Variants in PTPN13 observed in about 807,000 individuals in gnomAD.
PTPN13 encodes the protein protein tyrosine phosphatase non-receptor type 13.
PTPN13 carries 191 observed loss-of-function variants against 284.0 expected under a neutral mutation model. That is an observed-to-expected ratio of 0.67 (90% CI 0.60 to 0.76). PTPN13 has a LOEUF of 0.76. PTPN13 is among the 30% of genes least tolerant of loss of function. The pLI is 0.00. For synonymous variants in PTPN13, 986 were observed against 1,022.3 expected (o/e 0.96, Z 0.68); for missense variants, 2,797 against 2,939.9 (o/e 0.95, Z 1.12).
intron 23 of PTPN13, among the ~76,000 whole-genome samples, chr4:86,760,534 A>G (rs1365121340): frequency 6.6e-6 from 1 of 152,204 alleles, no homozygotes; most frequent in Non-Finnish European, 1.5e-5. Flanking sequence ...TGTGCAAGAC[A>G]AAAAACTCTG....
At chr4:86,649,351 A>G (rs1009791456) in intron 2 of PTPN13, among the ~76,000 whole-genome samples, 2 of 152,122 alleles carry the variant, frequency 1.3e-5, no homozygotes, top group Non-Finnish European at 2.9e-5. Context: ...TAGTAGTTTC[A>G]TTGTTCCAGG....
chr4:86,647,775 T>A (rs1219803088), intron 2 of PTPN13, among the ~76,000 whole-genome samples: 2 of 151,980 alleles, frequency 1.3e-5, no homozygotes, highest in African/African-American at 4.8e-5. Flanking sequence ...AATTAGGACG[T>A]AAACACATAC....
At chr4:86,598,091 TAA>T (rs756940536) in intron 1 of PTPN13, among the ~76,000 whole-genome samples, 88 of 152,146 alleles carry the variant, frequency 5.8e-4, no homozygotes, top group Non-Finnish European at 5.1e-4. Context: ...TCCTAGAGAC[TAA>T]GTTTATTTTT....
intron 2 of PTPN13, among the ~76,000 whole-genome samples, chr4:86,658,307 C>T (rs988561328): frequency 6.6e-6 from 1 of 152,230 alleles, no homozygotes; most frequent in African/African-American, 2.4e-5. Flanking sequence ...CTCCTCAATG[C>T]ACTGCCTGGG....
intron 6 of PTPN13, among the ~76,000 whole-genome samples, chr4:86,698,880 G>C (rs1730844063): frequency 6.6e-6 from 1 of 152,176 alleles, no homozygotes; most frequent in African/African-American, 2.4e-5. Flanking sequence ...GTTTGGTTTG[G>C]TTTGACTATG....
intron 2 of PTPN13, among the ~76,000 whole-genome samples, chr4:86,670,381 C>G (rs1157021119): frequency 3.3e-5 from 5 of 151,280 alleles, no homozygotes; most frequent in African/African-American, 1.2e-4. Flanking sequence ...ACCTCCTAAC[C>G]CCCACCTCAG....
At chr4:86,777,555 C>G (rs1024748225) in intron 35 of PTPN13, among the ~76,000 whole-genome samples, 1 of 152,132 alleles carries the variant, frequency 6.6e-6, no homozygotes, top group African/African-American at 2.4e-5. Context: ...AGGATTAGAA[C>G]AGAATCATTA....
Position 86,701,632 on chromosome 4 carries a change from A to G in PTPN13, c.1026A>G (p.Ala342=), listed in dbSNP as rs373039102. ...CAACTACTCCTAGAAAAAAGGAGGC[A>G]AGATACTCAGATGGAAGTATAGCCT... The part of the protein sequence containing the change: ...RTSTTPRKKE[A]RYSDGSIALD... Residue 342 remains alanine (A), a synonymous_variant, in exon 7 of 48, where the codon GCA becomes GCG. Transcript: ENST00000411767. The G allele has an allele frequency of 8.1e-6, 13 of 1,613,860 alleles. No homozygotes were observed. The highest frequency in any genetic ancestry group is 6.6e-5 in the South Asian group (6 of 91,084).
intron 2 of PTPN13, among the ~76,000 whole-genome samples, chr4:86,657,140 A>G (rs1725932028): frequency 6.6e-6 from 1 of 152,154 alleles, no homozygotes; most frequent in Non-Finnish European, 1.5e-5. Flanking sequence ...TCCCTTGGCT[A>G]GGAAAGGGAA....
chr4:86,626,885 C>G (rs1721900024), intron 1 of PTPN13, among the ~76,000 whole-genome samples: 1 of 152,048 alleles, frequency 6.6e-6, no homozygotes, highest in Non-Finnish European at 1.5e-5. Context: ...AAAGCAGGAT[C>G]TCAAAGAGAT....
Position 86,795,621 on chromosome 4 carries a change from A to G in PTPN13, c.6346-1253A>G, listed in dbSNP as rs376387174. Among the ~76,000 whole-genome samples, 178 of 152,340 alleles carry G rather than the reference A, an allele frequency of 1.2e-3. 2 individuals are homozygous for G. Among genetic ancestry groups the G allele is most frequent in the Middle Eastern group, 3.4e-3 (1 of 294 alleles). On this transcript the variant is annotated intron_variant, in intron 40 of 47. Transcript: ENST00000411767. ...TTATTGCAGCACTGTTCACAATAGC[A>G]AAGACATGAAACCAACCCAAATGTC...
At chr4:86,618,946 C>T (rs1565157815) in intron 1 of PTPN13, among the ~76,000 whole-genome samples, 1 of 152,184 alleles carries the variant, frequency 6.6e-6, no homozygotes, top group South Asian at 2.1e-4. Context: ...TTGCCCCTGG[C>T]CAGAACTTCC....
intron 3 of PTPN13, among the ~76,000 whole-genome samples, chr4:86,679,832 C>T (rs932504119): frequency 2.6e-5 from 4 of 152,174 alleles, no homozygotes; most frequent in Non-Finnish European, 4.4e-5. Flanking sequence ...GAAGGCTTTT[C>T]GTCTCCTCTT....
intron 23 of PTPN13, among the ~76,000 whole-genome samples, chr4:86,759,460 G>A (rs1202204078): frequency 6.6e-6 from 1 of 152,142 alleles, no homozygotes; most frequent in Non-Finnish European, 1.5e-5. Flanking sequence ...CCTTTTATTA[G>A]CTATATGACT....
Position 86,764,699 on chromosome 4 carries a change from A to T in PTPN13, c.4124A>T (p.Asp1375Val), listed in dbSNP as rs750127855. 1.2e-6 allele frequency: 2 copies of T among 1,605,898 alleles called. No individual in the cohort carries two copies. Among genetic ancestry groups the T allele is most frequent in the Admixed American group, 1.7e-5 (1 of 57,642 alleles). The change falls in exon 25 of 48, where the codon GAT becomes GTT. Residue 1375 changes from aspartate to valine, a missense_variant. By Grantham distance (152) the Asp-to-Val change is radical. Transcript: ENST00000411767. Reference protein sequence around the residue: ...DIFEVELAKNDNSLGISVTGG... With the variant: ...DIFEVELAKNVNSLGISVTGG... ...TTTGAGGTTGAACTGGCTAAAAATGATAACAGCTTGGGGATAAGTGTCACG... is the reference window on the plus strand; with the variant it reads ...TTTGAGGTTGAACTGGCTAAAAATGTTAACAGCTTGGGGATAAGTGTCACG...
rs753760213 is a variant in PTPN13 at position 86,814,458 on chromosome 4, T to G, written c.7365T>G (p.Asp2455Glu). The change falls in exon 48 of 48, where the codon GAT (aspartate) becomes GAG (glutamate). Residue 2455 changes from aspartate (D) to glutamate (E), a missense_variant and splice_region_variant. Coordinates refer to ENST00000411767, the MANE Select transcript of PTPN13 (RefSeq NM_080683.3). ...TATCTCACTTTTTTTGGCCATAGGA[T>G]CAATATATTTTCTGCTATCAAGTCA... ...LQRHGMVQTEDQYIFCYQVIL... is the reference protein window; with the variant it reads ...LQRHGMVQTEEQYIFCYQVIL... 6.2e-7 allele frequency: 1 copy of G among 1,607,148 alleles called. No homozygotes were observed. Among genetic ancestry groups the G allele is most frequent in the African/African-American group, 1.3e-5 (1 of 74,702 alleles).
At position 86,779,417 on chromosome 4, in the gene PTPN13, CA is replaced by C. The variant is rs59094100; in HGVS notation, c.5892-969del. Among the ~76,000 whole-genome samples the C allele has an allele frequency of 9.5e-3, 1,159 of 122,366 alleles. 12 individuals are homozygous for C. The highest frequency in any genetic ancestry group is 0.025 in the African/African-American group (822 of 33,154). 80.3% of individuals were successfully genotyped at this position (122,366 alleles called of 152,430 possible). ...GGGTGACAGAGCAAGACTCCGTCTC[CA>C]AAAAAAAAAAAAAAATGATGTATGT... On this transcript the variant is annotated intron_variant, in intron 35 of 47. Coordinates refer to ENST00000411767, the MANE Select transcript of PTPN13 (RefSeq NM_080683.3).
In PTPN13 at chr4:86,616,438, G is replaced by A. The variant is rs1255449484; in HGVS notation, c.-5-18814G>A. ...GCTCAGACGTGGATATTTCAGACAG[G>A]AGTTGATATAGTTTAGATGTTTGTC... On this transcript the variant is annotated intron_variant, in intron 1 of 47. Transcript: ENST00000411767. 3.3e-5 allele frequency among the ~76,000 whole-genome samples: 5 copies of A among 151,666 alleles called. No homozygotes were observed. The East Asian group carries it at 9.8e-4, about 30-fold the overall frequency.
In PTPN13 at chr4:86,668,847, T is replaced by C. The variant is rs916958653; in HGVS notation, c.116-3518T>C. Among the ~76,000 whole-genome samples, 6 of 150,746 alleles carry C rather than the reference T, an allele frequency of 4.0e-5. No homozygotes were observed. The South Asian group carries it at 8.4e-4, about 21-fold the overall frequency. ...GTCTTGAACCCCTGACCTCAGGTGATCTGCCCACCTCAGCCTCCCAAAGTG... is the reference window on the plus strand; with the variant it reads ...GTCTTGAACCCCTGACCTCAGGTGACCTGCCCACCTCAGCCTCCCAAAGTG... On this transcript the variant is annotated intron_variant, in intron 2 of 47. Transcript: ENST00000411767.
Sources: allele counts gnomAD v4.1 joint callset (sites outside exome capture counted in the v4.1 genomes callset), GRCh38; gene constraint gnomAD v4.1.1; transcripts MANE v1.5; gene names NCBI Gene and HGNC (gene_info 2026-07-23, HGNC 2026-07-21).